The following PLCH1 variants were observed in gnomAD, a reference collection of about 807,000 sequenced individuals.
PLCH1 encodes phospholipase C eta 1.
PLCH1 carries 60 observed loss-of-function variants against 126.7 expected under a neutral mutation model. The observed-to-expected ratio is 0.47, with a 90% CI of 0.38 to 0.59. PLCH1 has a LOEUF of 0.59. Among genes scored for constraint, PLCH1 ranks in the 20% least tolerant of loss-of-function variants. The probability of loss-of-function intolerance (pLI) is 0.00; values close to 1 mark genes in which losing one functional copy is unlikely to be tolerated. For synonymous variants in PLCH1, 719 were observed against 734.9 expected, an observed-to-expected ratio of 0.98 and a Z score of 0.35; for missense variants, 1,723 against 2,040.0, an observed-to-expected ratio of 0.84 and a Z score of 2.99.
chr3:155,539,506 C>G (rs1723926049), intron 10 of PLCH1, among the ~76,000 whole-genome samples: 1 of 152,054 alleles, frequency 6.6e-6, no homozygotes, highest in Admixed American at 6.5e-5. Flanking sequence ...CTAGAAAACC[C>G]TAAAGGCTCA....
chr3:155,482,621 A>AC lies in PLCH1; in HGVS notation c.3404dup (p.Lys1136Ter). 1 of 1,614,144 alleles carries AC rather than the reference A, an allele frequency of 6.2e-7. No individual in the cohort carries two copies. On this transcript the variant is annotated frameshift_variant, in exon 23 of 23. Transcript: ENST00000460012. LOFTEE classifies it low-confidence loss of function (END_TRUNC). Reference sequence around the variant, plus strand: ...AAAAGGATGTTGCAGCTCGGCCCTTACCCCTATTACCTTCCAGGTTCTTAA... The same window carrying AC: ...AAAAGGATGTTGCAGCTCGGCCCTTACCCCCTATTACCTTCCAGGTTCTTAA...
At chr3:155,679,926 CT>C (rs1330898522) in intron 2 of PLCH1, among the ~76,000 whole-genome samples, 1 of 152,156 alleles carries the variant, frequency 6.6e-6, no homozygotes, top group African/African-American at 2.4e-5. Flanking sequence ...GCCCTTTCCC[CT>C]GGCTCTGTGC....
chr3:155,489,058 G>A (rs1158744871), intron 19 of PLCH1, among the ~76,000 whole-genome samples: 1 of 152,170 alleles, frequency 6.6e-6, no homozygotes, highest in African/African-American at 2.4e-5. Flanking sequence ...ATGCCTAACT[G>A]TATTGTAGAG....
intron 2 of PLCH1, among the ~76,000 whole-genome samples, chr3:155,612,469 G>A (rs1210040199): frequency 6.6e-6 from 1 of 151,158 alleles, no homozygotes; most frequent in Non-Finnish European, 1.5e-5. Flanking sequence ...AAACCCAGCA[G>A]AAGAAAAGAA....
intron 2 of PLCH1, among the ~76,000 whole-genome samples, chr3:155,659,302 CTTTTTTTTTTTTTTT>C (rs753258422): frequency 1.2e-3 from 36 of 30,838 alleles, no homozygotes; most frequent in Non-Finnish European, 2.3e-3. Flanking sequence ...CTATTCACTT[CTTTTTTTTTTTTTTT>C]TTTTTTTTTT....
chr3:155,708,236 G>A (rs1016674188), intron 1 of PLCH1, among the ~76,000 whole-genome samples: 3 of 152,226 alleles, frequency 2.0e-5, no homozygotes, highest in Admixed American at 6.5e-5. Context: ...CTCTCCCTTC[G>A]GCCTTCAGAT....
chr3:155,483,004 G>C lies in PLCH1; in HGVS notation c.3022C>G (p.Pro1008Ala). 6.2e-7 allele frequency: 1 copy of C among 1,613,888 alleles called. No homozygotes were observed. Among genetic ancestry groups the C allele is most frequent in the Non-Finnish European group, 8.5e-7 (1 of 1,179,868 alleles). The change falls in exon 23 of 23, where the codon CCA (proline) becomes GCA (alanine). Residue 1008 changes from proline (P) to alanine (A), a missense_variant. Physicochemically the swap from Pro to Ala is conservative, Grantham distance 27 (BLOSUM62 -1). Coordinates refer to ENST00000460012, the MANE Select transcript of PLCH1 (RefSeq NM_014996.4). ...TTTTTGTTGAAATTTAGAAAATGTG[G>C]ATCTTTTATACTTGCTTTCCCTTTT... ...RRKGKASIKDPHFLNFNKKLS... is the reference protein window; with the variant it reads ...RRKGKASIKDAHFLNFNKKLS...
intron 6 of PLCH1, among the ~76,000 whole-genome samples, chr3:155,574,637 T>G (rs1158550095): frequency 1.3e-5 from 2 of 152,314 alleles, no homozygotes; most frequent in East Asian, 3.9e-4. Context: ...CATATTCAAC[T>G]GAATAAGACA....
In PLCH1 at chr3:155,514,780, G is replaced by A. The variant is rs771005375; in HGVS notation, c.1575C>T (p.Phe525=). ...TGGCCTTCAGTAGTGCCCGCACTGT[G>A]AAACTATCAGGATCTTCTTTATCTC... ...QIRDKEDPDS[F]TVRALLKATH... The change falls in exon 12 of 23, where the codon TTC becomes TTT. Residue 525 remains phenylalanine (F), a synonymous_variant. Transcript: ENST00000460012. 9.9e-6 allele frequency: 16 copies of A among 1,613,178 alleles called. No individual in the cohort carries two copies. Among genetic ancestry groups the A allele is most frequent in the Non-Finnish European group, 1.3e-5 (15 of 1,179,376 alleles).
chr3:155,731,380 T>G (rs1048141809), intron 1 of PLCH1, among the ~76,000 whole-genome samples: 1 of 152,198 alleles, frequency 6.6e-6, no homozygotes, highest in Non-Finnish European at 1.5e-5. Flanking sequence ...TCTACCCTCA[T>G]GCACCTAGGC....
intron 21 of PLCH1, among the ~76,000 whole-genome samples, chr3:155,472,659 C>T (rs1198680269): frequency 2.0e-5 from 3 of 151,666 alleles, no homozygotes; most frequent in East Asian, 1.9e-4. Context: ...CCTTGATGAA[C>T]ATTGATGCAA....
chr3:155,729,924 CAAAAA>C (rs11380418), intron 1 of PLCH1, among the ~76,000 whole-genome samples: 1 of 116,374 alleles, frequency 8.6e-6, no homozygotes, highest in Admixed American at 8.9e-5. Flanking sequence ...GACTCCATCT[CAAAAA>C]AAAAAAAAAA....
chr3:155,543,657 A>C (rs1432318161), intron 10 of PLCH1, among the ~76,000 whole-genome samples: 1 of 152,136 alleles, frequency 6.6e-6, no homozygotes, highest in Non-Finnish European at 1.5e-5. Flanking sequence ...GGTTACCCAC[A>C]AAGGGAAGCC....
chr3:155,680,695 C>T (rs149461962), intron 2 of PLCH1, among the ~76,000 whole-genome samples: 195 of 152,214 alleles, frequency 1.3e-3, no homozygotes, highest in African/African-American at 4.5e-3. Context: ...TTATTTTAGT[C>T]AATAATCATT....
chr3:155,688,218 AAC>A (rs1254419051), intron 2 of PLCH1, among the ~76,000 whole-genome samples: 1 of 152,228 alleles, frequency 6.6e-6, no homozygotes, highest in Admixed American at 6.5e-5. Context: ...TTACCTGGCC[AAC>A]ACACAGAGGC....
chr3:155,659,299 CTTCTTTTTTTTTTTT>C (rs1741817691), intron 2 of PLCH1, among the ~76,000 whole-genome samples: 4 of 55,448 alleles, frequency 7.2e-5, no homozygotes, highest in African/African-American at 2.5e-4. Flanking sequence ...TGTCTATTCA[CTTCTTTTTTTTTTTT>C]TTTTTTTTTT....
chr3:155,640,954 G>A (rs1739324197), intron 2 of PLCH1, among the ~76,000 whole-genome samples: 1 of 152,068 alleles, frequency 6.6e-6, no homozygotes, highest in African/African-American at 2.4e-5. Context: ...TAACATTTGT[G>A]GTAGCAGATA....
At chr3:155,594,293 G>C in intron 3 of PLCH1, 109 bp from the exon 4 acceptor site, 3 of 1,037,262 alleles carry the variant, frequency 2.9e-6, no homozygotes, top group Non-Finnish European at 4.2e-6. Flanking sequence ...AAATAAGTAT[G>C]AGGCTGGGTG....
intron 1 of PLCH1, among the ~76,000 whole-genome samples, chr3:155,724,820 T>G (rs1472533359): frequency 7.0e-6 from 1 of 143,224 alleles, no homozygotes. Flanking sequence ...GTTTTGTGTG[T>G]GTGTGTGTGT....
Sources: allele counts gnomAD v4.1 joint callset (sites outside exome capture counted in the v4.1 genomes callset), GRCh38; gene constraint gnomAD v4.1.1; transcripts MANE v1.5; gene names NCBI Gene and HGNC (gene_info 2026-07-23, HGNC 2026-07-21).